Variants in WFS1 observed in about 807,000 individuals in gnomAD.
WFS1 encodes the protein wolframin ER transmembrane glycoprotein.
WFS1 carries 90 observed loss-of-function variants against 68.5 expected under a neutral mutation model. The observed-to-expected ratio is 1.31, with a 90% CI of 1.11 to 1.56. The LOEUF is 1.56. Among genes scored for constraint, WFS1 ranks in the 40% most tolerant of loss-of-function variants. The probability of loss-of-function intolerance (pLI) is 0.00; values close to 1 mark genes in which losing one functional copy is unlikely to be tolerated. For missense variants in WFS1, 1,767 were observed against 1,232.6 expected, an observed-to-expected ratio of 1.43 and a Z score of -6.49; for synonymous variants, 860 against 540.7, an observed-to-expected ratio of 1.59 and a Z score of -8.19.
At chr4:6,286,282 A>T (rs1384757644) in intron 2 of WFS1, among the ~76,000 whole-genome samples, 7 of 152,102 alleles carry the variant, frequency 4.6e-5, no homozygotes, top group Non-Finnish European at 1.5e-5. Flanking sequence ...GGGCCTTTGG[A>T]GGTGATGAAT....
At chr4:6,298,530 A>G (rs979986531) in intron 7 of WFS1, among the ~76,000 whole-genome samples, 8 of 149,906 alleles carry the variant, frequency 5.3e-5, no homozygotes, top group African/African-American at 1.9e-4. Context: ...ACAAATATAC[A>G]TGAAGCAGCA....
intron 3 of WFS1, 32 bp from the exon 4 acceptor site, chr4:6,288,955 A>G: frequency 1.9e-6 from 3 of 1,602,486 alleles, no homozygotes; most frequent in South Asian, 2.3e-5. Context: ...AGGGTCGGAG[A>G]ATCTGGAGGC....
intron 6 of WFS1, among the ~76,000 whole-genome samples, chr4:6,293,114 T>G (rs944212369): frequency 6.6e-6 from 1 of 152,290 alleles, no homozygotes; most frequent in East Asian, 1.9e-4. Flanking sequence ...GCATGGTGCC[T>G]GCTGTCCTGA....
Position 6,302,537 on chromosome 4 carries a change from C to T in WFS1, c.*69C>T, listed in dbSNP as rs71530916. 1,034 of 1,598,978 alleles carry T rather than the reference C, an allele frequency of 6.5e-4. 4 individuals carry two copies. In the African/African-American group the frequency reaches 7.7e-3, roughly 12 times the overall value. On this transcript the variant is annotated 3_prime_UTR_variant, in exon 8 of 8. Transcript: ENST00000226760. ...GCCTTTCCCCAGTGTGGCCCCAGCC[C>T]GACAGGCATGCACCAGTGCCGCCTG...
intron 1 of WFS1, among the ~76,000 whole-genome samples, chr4:6,273,041 C>T (rs566951491): frequency 2.6e-4 from 40 of 152,356 alleles, no homozygotes; most frequent in African/African-American, 9.6e-4. Flanking sequence ...ATCCTGGAGG[C>T]AGAGGCACTG....
chr4:6,280,476 T>C (rs1489943630), intron 2 of WFS1, among the ~76,000 whole-genome samples: 1 of 151,754 alleles, frequency 6.6e-6, no homozygotes, highest in Non-Finnish European at 1.5e-5. Context: ...AGAGGTAGAG[T>C]TGACACCAAG....
At position 6,277,536 on chromosome 4, in the gene WFS1, C is replaced by G. The variant is rs777168956; in HGVS notation, c.81C>G (p.Leu27=). 1 of 1,588,914 alleles carries G rather than the reference C, an allele frequency of 6.3e-7. No homozygotes were observed. The highest frequency in any genetic ancestry group is 1.3e-5 in the African/African-American group (1 of 74,576). The change falls in exon 2 of 8, where the codon CTC becomes CTG. Residue 27 remains leucine (L), a synonymous_variant. Coordinates refer to ENST00000226760, the MANE Select transcript of WFS1 (RefSeq NM_006005.3). ...PAPQPQARSR[L]NATASLEQER... ...CGCAGCCCCAGGCGCGTTCCCGACT[C>G]AATGCCACAGCCTCGTTGGAGCAGG...
intron 6 of WFS1, chr4:6,294,687 A>G: frequency 2.8e-6 from 1 of 352,972 alleles, no homozygotes; most frequent in South Asian, 2.4e-5. Context: ...GGGTGTCAGC[A>G]TGCACTGGAG....
chr4:6,280,176 G>A (rs1231843390), intron 2 of WFS1, among the ~76,000 whole-genome samples: 3 of 152,246 alleles, frequency 2.0e-5, no homozygotes, highest in African/African-American at 7.2e-5. Flanking sequence ...AGCCCTGAGA[G>A]GGGAAACTGT....
Position 6,284,241 on chromosome 4 carries a change from C to T in WFS1, c.233-2852C>T, listed in dbSNP as rs370982064. 1.3e-3 allele frequency among the ~76,000 whole-genome samples: 193 copies of T among 152,084 alleles called. 6 individuals are homozygous for T. The South Asian group carries it at 0.038, about 30-fold the overall frequency. ...AAAAAAACTTAGCTGGGCATGGTGG[C>T]GGCCGCCTGTATTCCCAGCTACTCA... is the stretch of plus-strand genomic sequence containing the variant. On this transcript the variant is annotated intron_variant, in intron 2 of 7. Coordinates refer to ENST00000226760, the MANE Select transcript of WFS1 (RefSeq NM_006005.3).
rs115346085 is a variant in WFS1 at position 6,291,218 on chromosome 4, G to A, written c.482G>A (p.Arg161Gln). The change falls in exon 5 of 8, where the codon CGG becomes CAG. Residue 161 changes from arginine to glutamine, a missense_variant. Coordinates refer to ENST00000226760, the MANE Select transcript of WFS1 (RefSeq NM_006005.3). Reference protein sequence around the residue: ...DRRGITSENEREVRQLSSETD... With the variant: ...DRRGITSENEQEVRQLSSETD... The stretch of plus-strand genomic sequence containing the variant: ...TCAGGCATCACGTCCGAGAACGAAC[G>A]GGAGGTGAGGCAGCTCTCCTCCGAG... The A allele has an allele frequency of 5.9e-4, 949 of 1,612,798 alleles. 4 individuals are homozygous for A. The African/African-American group carries it at 7.2e-3, about 12-fold the overall frequency.
At position 6,300,724 on chromosome 4, in the gene WFS1, C is replaced by T. The variant is rs375146413; in HGVS notation, c.929C>T (p.Ala310Val). The T allele has an allele frequency of 5.0e-6, 8 of 1,613,952 alleles. No individual in the cohort carries two copies. The highest frequency in any genetic ancestry group is 2.7e-5 in the African/African-American group (2 of 74,882). The change falls in exon 8 of 8, where the codon GCA becomes GTA. Residue 310 changes from alanine (A) to valine (V), a missense_variant. By Grantham distance (64) the Ala-to-Val change is moderately conservative. Coordinates refer to ENST00000226760, the MANE Select transcript of WFS1 (RefSeq NM_006005.3). ...TACCTGATTGACATGGCCTCCAGGG[C>T]AGGCATGCACTGGCTGTCCACCATC... ...KEYLIDMASR[A>V]GMHWLSTIIP...
In WFS1 at chr4:6,283,319, T is replaced by G. The variant is rs1368752151; in HGVS notation, c.233-3774T>G. On this transcript the variant is annotated intron_variant, in intron 2 of 7. Coordinates refer to ENST00000226760, the MANE Select transcript of WFS1 (RefSeq NM_006005.3). This position sits in a 1 kb window ranked among gnomAD's most constrained non-coding sequence, Gnocchi z 5.0. ...TATTTTGTGATTGATAGGCAGACTT[T>G]CAAAGAATGAGTTAGATTCAGGACC... Among the ~76,000 whole-genome samples the G allele has an allele frequency of 6.6e-6, 1 of 152,192 alleles. No homozygotes were observed. Among genetic ancestry groups the G allele is most frequent in the Non-Finnish European group, 1.5e-5 (1 of 68,042 alleles).
Position 6,301,238 on chromosome 4 carries a change from G to T in WFS1, c.1443G>T (p.Leu481=), listed in dbSNP as rs570328631. The change falls in exon 8 of 8, where the codon CTG becomes CTT. Residue 481 remains leucine (L), a synonymous_variant. Coordinates refer to ENST00000226760, the MANE Select transcript of WFS1 (RefSeq NM_006005.3). ...CCATGCCCTTGAATTGGCCCTACCTGAAGGTCCTTGGCCAGACCTTCATCA... is the reference window on the plus strand; with the variant it reads ...CCATGCCCTTGAATTGGCCCTACCTTAAGGTCCTTGGCCAGACCTTCATCA... ...LPSMPLNWPY[L]KVLGQTFITV... 1 of 1,611,598 alleles carries T rather than the reference G, an allele frequency of 6.2e-7. No individual in the cohort carries two copies.
At chr4:6,279,071 G>C (rs1055568462) in intron 2 of WFS1, among the ~76,000 whole-genome samples, 1 of 152,230 alleles carries the variant, frequency 6.6e-6, no homozygotes, top group African/African-American at 2.4e-5. Context: ...CACTGGGCCT[G>C]CAGCTGGGGG....
At position 6,302,110 on chromosome 4, in the gene WFS1, G is replaced by C; in HGVS notation, c.2315G>C (p.Arg772Pro). 6.2e-7 allele frequency: 1 copy of C among 1,612,922 alleles called. No homozygotes were observed. Among genetic ancestry groups the C allele is most frequent in the Non-Finnish European group, 8.5e-7 (1 of 1,180,016 alleles). ...CCCTGCCACATCAAGAAGTTCGACC[G>C]CTACAAGTTTGAGATTACCGTGGGC... ...KHPCHIKKFD[R>P]YKFEITVGMP... The change falls in exon 8 of 8, where the codon CGC becomes CCC. Residue 772 changes from arginine (R) to proline (P), a missense_variant. Physicochemically the swap from Arg to Pro is moderately radical, Grantham distance 103. Transcript: ENST00000226760.
intron 2 of WFS1, among the ~76,000 whole-genome samples, chr4:6,281,061 G>A (rs189892241): frequency 2.0e-5 from 3 of 152,268 alleles, no homozygotes; most frequent in Admixed American, 1.3e-4. Flanking sequence ...CAGCCCACAC[G>A]ACTGCTGAAT....
At chr4:6,299,912 T>C (rs1730808785) in intron 7 of WFS1, among the ~76,000 whole-genome samples, 1 of 137,344 alleles carries the variant, frequency 7.3e-6, no homozygotes, top group Non-Finnish European at 1.6e-5. Context: ...TGTGTGTGTG[T>C]GTATGGGGTG....
At position 6,287,281 on chromosome 4, in the gene WFS1, G is replaced by A. The variant is rs1730342519; in HGVS notation, c.315+106G>A. 2 of 1,070,732 alleles carry A rather than the reference G, an allele frequency of 1.9e-6. No homozygotes were observed. The highest frequency in any genetic ancestry group is 5.2e-5 in the East Asian group (2 of 38,482). The allele number at this position is 1,070,732 out of a possible 1,614,324, so 66.3% of individuals were successfully genotyped here. A position where few individuals can be genotyped will look rare whatever the true frequency, so the allele number is the denominator to read the frequency against. On this transcript the variant is annotated intron_variant, in intron 3 of 7. Coordinates refer to ENST00000226760, the MANE Select transcript of WFS1 (RefSeq NM_006005.3). This position sits in a 1 kb window ranked among gnomAD's most constrained non-coding sequence, Gnocchi z 6.4. ...GAGAAGTGTCGGTGCCTGAGATCGG[G>A]GTCAGGAGCCAGCGTGGTGCACCCT...
Sources: gnomAD v4.1 joint callset for allele counts (sites outside exome capture counted in the v4.1 genomes callset) on GRCh38, gnomAD v4.1.1 for gene constraint, Gnocchi (gnomAD v3.1) non-coding constraint, MANE v1.5 for transcripts, NCBI Gene and HGNC (gene_info 2026-07-23, HGNC 2026-07-21) for gene names.